Variants in RORA observed in about 807,000 individuals in gnomAD.
RORA encodes the protein RAR related orphan receptor A.
A neutral mutation model predicts 69.5 loss-of-function variants in RORA; 7 were observed. The ratio of observed to expected loss-of-function variants is 0.10; its 90% CI spans 0.06 to 0.19. The LOEUF (loss-of-function observed/expected upper bound fraction) is 0.19, where lower values mean the gene tolerates loss of function less well. Among genes scored for constraint, RORA ranks in the 10% least tolerant of loss-of-function variants. RORA has a pLI of 1.00. For synonymous variants in RORA, 261 were observed against 240.8 expected (o/e 1.08, Z -0.78); for missense variants, 457 against 663.0 (o/e 0.69, Z 3.41).
At chr15:61,039,744 CAAAAAA>C (rs5813062) in intron 1 of RORA, among the ~76,000 whole-genome samples, 1 of 82,654 alleles carries the variant, frequency 1.2e-5, no homozygotes. Flanking sequence ...GACTCTGTCT[CAAAAAA>C]AAAAAAAAAA....
rs555456094 is a variant in RORA at position 60,571,785 on chromosome 15, T to TGTC, written c.197-39937_197-39935dup. On this transcript the variant is annotated intron_variant, in intron 2 of 10. Transcript: ENST00000335670. ...GCTATGGGACTGTTGTATTTAGCTA[T>TGTC]GTCACCTTCTACGATGAAAATTTTC... Among the ~76,000 whole-genome samples the TGTC allele has an allele frequency of 2.4e-4, 37 of 152,350 alleles. 1 individual carries two copies. The South Asian group carries it at 7.5e-3, about 31-fold the overall frequency.
chr15:60,903,634 G>T (rs1029628210), intron 1 of RORA, among the ~76,000 whole-genome samples: 4 of 152,268 alleles, frequency 2.6e-5, no homozygotes, highest in Non-Finnish European at 5.9e-5. Context: ...AATGCAAAGT[G>T]GCAATTTTAC....
At chr15:60,700,542 G>C (rs1011427748) in intron 1 of RORA, among the ~76,000 whole-genome samples, 1 of 150,660 alleles carries the variant, frequency 6.6e-6, no homozygotes, top group Non-Finnish European at 1.5e-5. Context: ...ACTTCATGAC[G>C]GGGAAAGAAC....
intron 1 of RORA, among the ~76,000 whole-genome samples, chr15:60,737,123 G>C (rs909984843): frequency 1.3e-5 from 2 of 152,144 alleles, no homozygotes; most frequent in Non-Finnish European, 2.9e-5. Flanking sequence ...TGCATCACTA[G>C]AGGGGATGCC....
chr15:61,119,210 G>A (rs143197539), intron 1 of RORA, among the ~76,000 whole-genome samples: 7 of 151,588 alleles, frequency 4.6e-5, no homozygotes, highest in East Asian at 2.0e-4. Flanking sequence ...GGTTTGTTTC[G>A]TTTCTTGAGG....
chr15:60,715,420 G>C (rs949438082), intron 1 of RORA, among the ~76,000 whole-genome samples: 1 of 152,174 alleles, frequency 6.6e-6, no homozygotes, highest in African/African-American at 2.4e-5. Context: ...ACAGGCTGGT[G>C]GTCAACTTTC....
chr15:60,661,877 C>T (rs186165302), intron 2 of RORA, among the ~76,000 whole-genome samples: 2 of 152,208 alleles, frequency 1.3e-5, no homozygotes, highest in African/African-American at 2.4e-5. Flanking sequence ...GAAAATCCCA[C>T]GAATGCATGG....
chr15:60,974,406 G>A (rs185725662), intron 1 of RORA, among the ~76,000 whole-genome samples: 90 of 152,272 alleles, frequency 5.9e-4, no homozygotes, highest in African/African-American at 2.0e-3. Context: ...TATACATTGG[G>A]AAAAATTGCT....
In RORA at chr15:60,573,362, C is replaced by A. The variant is rs1346937141; in HGVS notation, c.197-41511G>T. On this transcript the variant is annotated intron_variant, in intron 2 of 10. Coordinates refer to ENST00000335670, the MANE Select transcript of RORA (RefSeq NM_134261.3). The stretch of plus-strand genomic sequence containing the variant: ...CTTTCATACATCTCTCAACACCATA[C>A]AAGAGGCAGAGCGGCCGCACAGAAA... 2.6e-5 allele frequency among the ~76,000 whole-genome samples: 4 copies of A among 152,338 alleles called. No individual in the cohort carries two copies. In the South Asian group the frequency reaches 8.3e-4, roughly 32 times the overall value.
chr15:61,042,035 C>T lies in RORA; in HGVS notation c.166+187018G>A, dbSNP rs557716248. ...ACCTGCGTGATCAGCATCAGACCCT[C>T]GTCTCTTAACTACCACACTCAGCCA... On this transcript the variant is annotated intron_variant, in intron 1 of 10. Transcript: ENST00000335670. Among the ~76,000 whole-genome samples the T allele has an allele frequency of 1.4e-4, 21 of 152,296 alleles. No homozygotes were observed. The South Asian group carries it at 2.7e-3, about 20-fold the overall frequency.
chr15:60,936,655 G>T (rs144126839), intron 1 of RORA, among the ~76,000 whole-genome samples: 2 of 152,220 alleles, frequency 1.3e-5, no homozygotes, highest in Non-Finnish European at 2.9e-5. Context: ...AGAGTGACGG[G>T]CACTGCCTGT....
chr15:60,527,483 ACCTGCCCCTCCTTCCTGGCAGG>A (rs2066398281), intron 3 of RORA, among the ~76,000 whole-genome samples: 1 of 152,198 alleles, frequency 6.6e-6, no homozygotes, highest in African/African-American at 2.4e-5. Context: ...ATGGGGCACG[ACCTGCCCCTCCTTCCTGGCAGG>A]CCTGCCCCAG....
chr15:60,954,383 A>T (rs576784820), intron 1 of RORA, among the ~76,000 whole-genome samples: 6 of 146,598 alleles, frequency 4.1e-5, no homozygotes, highest in Non-Finnish European at 7.5e-5. Flanking sequence ...CATGGCACAT[A>T]TATACATATG....
chr15:60,554,225 C>T (rs2140400211), intron 2 of RORA, among the ~76,000 whole-genome samples: 1 of 152,206 alleles, frequency 6.6e-6, no homozygotes, highest in Middle Eastern at 3.4e-3. Context: ...ATAGCTATGA[C>T]AGGGCCTGGG....
chr15:61,179,464 T>G (rs2140902377), intron 1 of RORA, among the ~76,000 whole-genome samples: 2 of 152,336 alleles, frequency 1.3e-5, no homozygotes, highest in South Asian at 4.1e-4. Flanking sequence ...AATATGTTAT[T>G]TATGTTAGGA....
intron 1 of RORA, among the ~76,000 whole-genome samples, chr15:60,809,417 A>AAAAACC (rs1368921101): frequency 6.6e-6 from 1 of 152,226 alleles, no homozygotes; most frequent in Non-Finnish European, 1.5e-5. Context: ...AGCTTTATAG[A>AAAAACC]AAAACCAACA....
chr15:60,543,604 G>A (rs1013722250), intron 2 of RORA, among the ~76,000 whole-genome samples: 7 of 151,892 alleles, frequency 4.6e-5, no homozygotes, highest in African/African-American at 1.2e-4. Context: ...TCAGCCTCCT[G>A]AGTAGCTGGG....
At chr15:60,853,407 C>T (rs890389757) in intron 1 of RORA, among the ~76,000 whole-genome samples, 5 of 152,252 alleles carry the variant, frequency 3.3e-5, no homozygotes, top group Admixed American at 6.5e-5. Flanking sequence ...TAACCTTTTC[C>T]GCCATCTCTC....
chr15:60,921,714 G>T (rs917867942), intron 1 of RORA, among the ~76,000 whole-genome samples: 3 of 152,116 alleles, frequency 2.0e-5, no homozygotes, highest in African/African-American at 7.2e-5. Context: ...TCCCATCTCT[G>T]CCACTCACCA....
Sources: gnomAD v4.1 joint callset for allele counts (sites outside exome capture counted in the v4.1 genomes callset) on GRCh38, gnomAD v4.1.1 for gene constraint, MANE v1.5 for transcripts, NCBI Gene and HGNC (gene_info 2026-07-23, HGNC 2026-07-21) for gene names.